The following SAMD12 variants were observed in gnomAD, a reference collection of about 807,000 sequenced individuals.
SAMD12 encodes the protein sterile alpha motif domain containing 12.
A neutral mutation model predicts 15.0 loss-of-function variants in SAMD12; 9 were observed. That is an observed-to-expected ratio of 0.60 (90% CI 0.36 to 1.05). SAMD12 has a LOEUF of 1.05. Among genes scored for constraint, SAMD12 ranks in the 50% least tolerant of loss-of-function variants. The probability of loss-of-function intolerance (pLI) is 0.01; values close to 1 mark genes in which losing one functional copy is unlikely to be tolerated. For synonymous variants in SAMD12, 86 were observed against 90.1 expected (o/e 0.96, Z 0.25); for missense variants, 230 against 234.2 (o/e 0.98, Z 0.12).
chr8:118,270,445 C>G (rs908496864), intron 4 of SAMD12, among the ~76,000 whole-genome samples: 2 of 152,200 alleles, frequency 1.3e-5, no homozygotes, highest in African/African-American at 4.8e-5. Context: ...TTAGTACCAG[C>G]AATATCATTA....
At chr8:118,223,456 C>G (rs956470424) in intron 4 of SAMD12, among the ~76,000 whole-genome samples, 1 of 152,198 alleles carries the variant, frequency 6.6e-6, no homozygotes, top group Admixed American at 6.5e-5. Context: ...CTGGTCAGTT[C>G]TAATGTTCTG....
chr8:118,165,635 T>C, the SAMD12 span, among the ~76,000 whole-genome samples: 1,275 of 129,018 alleles, frequency 9.9e-3, 31 homozygotes, highest in Middle Eastern at 0.028. Flanking sequence ...TATATATATA[T>C]ACATATATAT....
intron 3 of SAMD12, among the ~76,000 whole-genome samples, chr8:118,432,645 C>A (rs188476614): frequency 1.2e-3 from 184 of 152,218 alleles, no homozygotes; most frequent in Non-Finnish European, 2.2e-3. Flanking sequence ...GATACTCAAC[C>A]CAGATGAAGA....
At chr8:118,330,890 G>A (rs1398304357) in intron 4 of SAMD12, among the ~76,000 whole-genome samples, 1 of 152,080 alleles carries the variant, frequency 6.6e-6, no homozygotes, top group Non-Finnish European at 1.5e-5. Context: ...GACAAGTATA[G>A]TAAAAGCCCT....
chr8:118,269,830 T>C (rs1243185256), intron 4 of SAMD12, among the ~76,000 whole-genome samples: 2 of 152,158 alleles, frequency 1.3e-5, no homozygotes, highest in Admixed American at 1.3e-4. Context: ...CCTTCCTTCC[T>C]AGTTGCAGAT....
intron 4 of SAMD12, among the ~76,000 whole-genome samples, chr8:118,265,946 AT>A (rs1245356332): frequency 6.6e-6 from 1 of 152,118 alleles, no homozygotes; most frequent in Non-Finnish European, 1.5e-5. Context: ...TTATTAGTCC[AT>A]TTTCACACTG....
the SAMD12 span, among the ~76,000 whole-genome samples, chr8:118,162,193 G>T: frequency 6.7e-6 from 1 of 148,480 alleles, no homozygotes; most frequent in Admixed American, 6.8e-5. Flanking sequence ...AAAGCAAATA[G>T]TTGCTTGGGG....
At chr8:118,218,433 A>G (rs1812012132) in intron 4 of SAMD12, among the ~76,000 whole-genome samples, 1 of 152,164 alleles carries the variant, frequency 6.6e-6, no homozygotes, top group Admixed American at 6.5e-5. Flanking sequence ...ATATGCAACC[A>G]TCTATTATTA....
chr8:118,482,663 G>A (rs1824161165), intron 2 of SAMD12, among the ~76,000 whole-genome samples: 1 of 152,088 alleles, frequency 6.6e-6, no homozygotes. Flanking sequence ...TGAGGAACTT[G>A]GGCATCCACA....
intron 4 of SAMD12, among the ~76,000 whole-genome samples, chr8:118,263,055 C>A (rs1813116390): frequency 6.6e-6 from 1 of 151,994 alleles, no homozygotes; most frequent in Admixed American, 6.6e-5. Context: ...TGCCCATTGC[C>A]CAGCTTCAAC....
chr8:118,604,771 A>T (rs971241906), intron 1 of SAMD12, among the ~76,000 whole-genome samples: 5 of 151,908 alleles, frequency 3.3e-5, no homozygotes, highest in Non-Finnish European at 5.9e-5. Context: ...AATAAAAAAA[A>T]ATTAGGGGGG....
chr8:118,365,103 C>T (rs563486512), intron 4 of SAMD12, among the ~76,000 whole-genome samples: 3 of 152,254 alleles, frequency 2.0e-5, no homozygotes, highest in South Asian at 2.1e-4. Flanking sequence ...ACATATAAGG[C>T]ATTCACTTCA....
chr8:118,485,710 C>T (rs999503177), intron 2 of SAMD12, among the ~76,000 whole-genome samples: 3 of 151,808 alleles, frequency 2.0e-5, no homozygotes, highest in Non-Finnish European at 2.9e-5. Flanking sequence ...ATATGGATTT[C>T]GATGAAGAAT....
At chr8:118,317,318 G>C (rs1815968955) in intron 4 of SAMD12, among the ~76,000 whole-genome samples, 1 of 152,194 alleles carries the variant, frequency 6.6e-6, no homozygotes, top group African/African-American at 2.4e-5. Flanking sequence ...CACCAGAGAT[G>C]CATAAATATG....
the SAMD12 span, among the ~76,000 whole-genome samples, chr8:118,147,663 A>G: frequency 6.7e-3 from 1,014 of 151,896 alleles, 10 homozygotes; most frequent in Non-Finnish European, 0.011. Context: ...CCCGGCCCCT[A>G]TGAAAAAATT....
chr8:118,532,957 T>C (rs1235233724), intron 2 of SAMD12, among the ~76,000 whole-genome samples: 4 of 152,218 alleles, frequency 2.6e-5, no homozygotes, highest in African/African-American at 7.2e-5. Context: ...GCTCTGATTT[T>C]AGTTATTTCT....
chr8:118,320,675 G>GC (rs1364695876), intron 4 of SAMD12, among the ~76,000 whole-genome samples: 6 of 143,898 alleles, frequency 4.2e-5, no homozygotes, highest in Middle Eastern at 3.7e-3. Context: ...CGTGGGGTGG[G>GC]GGGGGTGGGG....
chr8:118,540,537 A>C (rs576902129), intron 2 of SAMD12, among the ~76,000 whole-genome samples: 5 of 152,282 alleles, frequency 3.3e-5, no homozygotes, highest in Admixed American at 1.3e-4. Flanking sequence ...AATCACCCCT[A>C]CTGTTTGTCA....
At chr8:118,138,139 G>C in the SAMD12 span, among the ~76,000 whole-genome samples, 1 of 152,104 alleles carries the variant, frequency 6.6e-6, no homozygotes, top group Non-Finnish European at 1.5e-5. Context: ...ATAAGGAGGA[G>C]GCAGCATGGA....
Sources: gnomAD v4.1 joint callset for allele counts (sites outside exome capture counted in the v4.1 genomes callset) on GRCh38, gnomAD v4.1.1 for gene constraint, MANE v1.5 for transcripts, NCBI Gene and HGNC (gene_info 2026-07-23, HGNC 2026-07-21) for gene names.